CEP112: variants seen among roughly 807,000 people sequenced by gnomAD.
The protein encoded by CEP112 is centrosomal protein 112.
CEP112 carries 127 observed loss-of-function variants against 153.0 expected under a neutral mutation model. The ratio of observed to expected loss-of-function variants is 0.83; its 90% CI spans 0.72 to 0.96. The LOEUF (loss-of-function observed/expected upper bound fraction) is 0.96, where lower values mean the gene tolerates loss of function less well. Ranked by LOEUF, CEP112 falls within the 40% of genes least tolerant of loss-of-function variation. The probability of loss-of-function intolerance (pLI) is 0.00; values close to 1 mark genes in which losing one functional copy is unlikely to be tolerated. For synonymous variants in CEP112, 358 were observed against 374.4 expected (o/e 0.96, Z 0.51); for missense variants, 1,089 against 1,101.2 (o/e 0.99, Z 0.16).
chr17:66,034,451 T>G (rs2065622376), intron 12 of CEP112, among the ~76,000 whole-genome samples: 1 of 152,140 alleles, frequency 6.6e-6, no homozygotes, highest in African/African-American at 2.4e-5. Context: ...ATCATAAAAT[T>G]TTAGAAAGTA....
intron 4 of CEP112, among the ~76,000 whole-genome samples, chr17:66,156,727 G>A (rs561178532): frequency 5.9e-5 from 9 of 152,148 alleles, no homozygotes; most frequent in Non-Finnish European, 1.0e-4. Context: ...CGAGAACTTC[G>A]TGAAGCATAC....
At chr17:65,805,381 A>G (rs2055539250) in intron 21 of CEP112, among the ~76,000 whole-genome samples, 1 of 152,218 alleles carries the variant, frequency 6.6e-6, no homozygotes, top group South Asian at 2.1e-4. Context: ...TGCCAAAAGC[A>G]TAAAGTAACA....
chr17:65,784,126 A>G (rs1292532054), intron 21 of CEP112, among the ~76,000 whole-genome samples: 1 of 152,240 alleles, frequency 6.6e-6, no homozygotes, highest in African/African-American at 2.4e-5. Flanking sequence ...TTTATGCGTG[A>G]GAAAATGGGA....
rs553471147 is a variant in CEP112 at position 65,969,694 on chromosome 17, TA to T, written c.1737-8097del. Among the ~76,000 whole-genome samples the T allele has an allele frequency of 4.1e-3, 621 of 152,336 alleles. 6 individuals carry two copies. The highest frequency in any genetic ancestry group is 0.014 in the African/African-American group (600 of 41,574). The stretch of plus-strand genomic sequence containing the variant: ...ATTGCATGCATGTGTATTGTATGCA[TA>T]TTACACGCATACAGGAATATCACAT... On this transcript the variant is annotated intron_variant, in intron 17 of 26. Transcript: ENST00000535342.
intron 21 of CEP112, 130 bp from the exon 22 acceptor site, chr17:65,750,854 A>G: frequency 1.4e-6 from 1 of 722,684 alleles, no homozygotes; most frequent in Non-Finnish European, 2.4e-6. Flanking sequence ...AGAAAACCAC[A>G]GGGCTTGTCT....
chr17:65,893,414 T>C (rs2059547369), intron 20 of CEP112, among the ~76,000 whole-genome samples: 1 of 152,114 alleles, frequency 6.6e-6, no homozygotes, highest in African/African-American at 2.4e-5. Flanking sequence ...TTGTGTATTG[T>C]TTCTTTGTGA....
intron 20 of CEP112, among the ~76,000 whole-genome samples, chr17:65,858,307 A>C (rs7211723): frequency 0.73 from 110,804 of 152,018 alleles, 40,654 homozygotes; most frequent in Middle Eastern, 0.83. Context: ...ATTTTTATAG[A>C]ACTCACCTGT....
At chr17:65,992,985 G>C (rs933207796) in intron 17 of CEP112, among the ~76,000 whole-genome samples, 2 of 152,062 alleles carry the variant, frequency 1.3e-5, no homozygotes, top group Non-Finnish European at 2.9e-5. Context: ...GTGCAGGTTA[G>C]TTACATATGT....
intron 11 of CEP112, among the ~76,000 whole-genome samples, chr17:66,057,413 T>C (rs745364223): frequency 6.6e-5 from 10 of 152,216 alleles, no homozygotes; most frequent in Middle Eastern, 6.8e-3. Context: ...GGCATCTCCA[T>C]GGGATAGGTA....
At chr17:65,848,509 G>C (rs954640110) in intron 21 of CEP112, among the ~76,000 whole-genome samples, 1 of 151,986 alleles carries the variant, frequency 6.6e-6, no homozygotes, top group African/African-American at 2.4e-5. Context: ...AAATGGAGCT[G>C]TACCCCTAAG....
chr17:66,053,795 C>T lies in CEP112; in HGVS notation c.1159G>A (p.Asp387Asn). The change falls in exon 12 of 27, where the codon GAT becomes AAT. Residue 387 changes from aspartate (D) to asparagine (N), a missense_variant. By Grantham distance (23) the Asp-to-Asn change is conservative (BLOSUM62 1). Transcript: ENST00000535342. ...HTENIQELLE[D>N]TNVRLNKMES... is the part of the protein sequence containing the mutation. ...ATTTTATTCAGACGCACATTTGTAT[C>T]CTCAAGCAATTCTTGAATGTTTTCA... The T allele has an allele frequency of 1.2e-6, 2 of 1,613,464 alleles. No homozygotes were observed. Among genetic ancestry groups the T allele is most frequent in the Non-Finnish European group, 1.7e-6 (2 of 1,179,622 alleles).
chr17:66,148,254 G>C (rs965422705), intron 4 of CEP112, among the ~76,000 whole-genome samples: 1 of 152,156 alleles, frequency 6.6e-6, no homozygotes, highest in African/African-American at 2.4e-5. Context: ...ACAGTATGGA[G>C]GAAACAGCCA....
intron 24 of CEP112, among the ~76,000 whole-genome samples, chr17:65,658,870 A>G (rs745370211): frequency 9.9e-5 from 15 of 152,024 alleles, no homozygotes; most frequent in Non-Finnish European, 1.9e-4. Context: ...GCAAGCCTTT[A>G]GGTTTCACAA....
At chr17:66,094,218 C>T (rs1184606792) in intron 8 of CEP112, among the ~76,000 whole-genome samples, 1 of 152,018 alleles carries the variant, frequency 6.6e-6, no homozygotes, top group Non-Finnish European at 1.5e-5. Flanking sequence ...CCCTACCACA[C>T]CCGGCTAATT....
intron 17 of CEP112, among the ~76,000 whole-genome samples, chr17:66,004,720 GA>G (rs1234620243): frequency 2.0e-5 from 3 of 152,182 alleles, no homozygotes; most frequent in Admixed American, 2.0e-4. Context: ...AGCAAAGTGA[GA>G]CAGAAGGAAT....
chr17:65,899,850 A>T (rs1372779567), intron 20 of CEP112, among the ~76,000 whole-genome samples: 2 of 152,180 alleles, frequency 1.3e-5, no homozygotes, highest in South Asian at 2.1e-4. Context: ...AAATCAAATT[A>T]AAAAATTATA....
intron 6 of CEP112, among the ~76,000 whole-genome samples, chr17:66,119,134 G>A (rs1210358337): frequency 3.3e-5 from 5 of 152,152 alleles, no homozygotes; most frequent in Non-Finnish European, 5.9e-5. Context: ...ATAAGTGGGA[G>A]CTGAACAGTG....
At chr17:66,169,594 T>G (rs1204225560) in intron 4 of CEP112, among the ~76,000 whole-genome samples, 1 of 152,150 alleles carries the variant, frequency 6.6e-6, no homozygotes, top group Admixed American at 6.5e-5. Flanking sequence ...TGTAATTTCT[T>G]AATTATATAG....
chr17:65,905,147 A>G (rs111626383), intron 19 of CEP112, among the ~76,000 whole-genome samples: 1,850 of 152,336 alleles, frequency 0.012, 44 homozygotes, highest in African/African-American at 0.042. Flanking sequence ...AAAAGAAACT[A>G]TCATCAGAGT....
Sources: gnomAD v4.1 joint callset for allele counts (sites outside exome capture counted in the v4.1 genomes callset) on GRCh38, gnomAD v4.1.1 for gene constraint, MANE v1.5 for transcripts, NCBI Gene and HGNC (gene_info 2026-07-23, HGNC 2026-07-21) for gene names.